Variants in DHX8 observed in about 807,000 individuals in gnomAD.
The protein encoded by DHX8 is ATP-dependent RNA helicase DHX8.
DHX8 carries 67 observed loss-of-function variants against 140.7 expected under a neutral mutation model. The ratio of observed to expected loss-of-function variants is 0.48; its 90% CI spans 0.39 to 0.58. The LOEUF is 0.58. Ranked by LOEUF, DHX8 falls within the 20% of genes least tolerant of loss-of-function variation. The pLI is 0.00. For missense variants in DHX8, 887 were observed against 1,550.7 expected, an observed-to-expected ratio of 0.57 and a Z score of 7.19; for synonymous variants, 533 against 553.2, an observed-to-expected ratio of 0.96 and a Z score of 0.51.
At chr17:43,503,412 A>T (rs546090374) in intron 11 of DHX8, among the ~76,000 whole-genome samples, 30 of 151,846 alleles carry the variant, frequency 2.0e-4, no homozygotes, top group African/African-American at 6.5e-4. Context: ...CAAGAGAATC[A>T]CTTGAACCTG....
chr17:43,517,440 C>A, intron 18 of DHX8, 118 bp downstream of exon 18: 2 of 1,214,246 alleles, frequency 1.6e-6, no homozygotes, highest in East Asian at 2.6e-5. Context: ...GAAAGCAGTC[C>A]CTTTGAGTGA....
At chr17:43,501,129 C>T (rs8079750) in intron 11 of DHX8, among the ~76,000 whole-genome samples, 43,178 of 151,954 alleles carry the variant, frequency 0.28, 6,359 homozygotes, top group African/African-American at 0.36. Flanking sequence ...ATTAAATAAT[C>T]ACCAAATAAT....
chr17:43,536,059 C>T (rs543048133), intron 2 of DHX8, among the ~76,000 whole-genome samples: 1 of 152,130 alleles, frequency 6.6e-6, no homozygotes, highest in African/African-American at 2.4e-5. Flanking sequence ...TGCAGTGAGC[C>T]GAGATTGTGC....
chr17:43,493,212 T>C (rs1968641236), intron 6 of DHX8, among the ~76,000 whole-genome samples, 172 bp downstream of exon 6: 1 of 152,230 alleles, frequency 6.6e-6, no homozygotes, highest in Admixed American at 6.5e-5. Context: ...TTTATTCCTT[T>C]CTCTGTCTTC....
chr17:43,527,590 G>C (rs968215581), downstream of DHX8, among the ~76,000 whole-genome samples: 2 of 152,280 alleles, frequency 1.3e-5, no homozygotes, highest in African/African-American at 4.8e-5. Flanking sequence ...AGGGGCGCCT[G>C]TCCAGGTTAT....
rs138989101 is a variant in DHX8 at position 43,543,276 on chromosome 17, A to ACTCTCCCTCTCTCTCTCTCTCT, written c.*21-881_*21-880insCCTCTCTCTCTCTCTCTCTCTC. Among the ~76,000 whole-genome samples the ACTCTCCCTCTCTCTCTCTCTCT allele has an allele frequency of 6.1e-4, 85 of 138,254 alleles. No individual in the cohort carries two copies. In the South Asian group the frequency reaches 8.3e-3, roughly 14 times the overall value. The allele number at this position is 138,254 out of a possible 152,430, so 90.7% of individuals were successfully genotyped here. ...AGCAGCATGTAACTAACACACACAC[A>ACTCTCCCTCTCTCTCTCTCTCT]CTCTCTCTCTCTCTCTCTCTCACAC... is the stretch of plus-strand genomic sequence containing the variant. On this transcript the variant is annotated intron_variant, in intron 3 of 3. Transcript: ENST00000589898.
downstream of DHX8, chr17:43,529,415 A>T (rs1970767240): frequency 6.7e-6 from 10 of 1,490,006 alleles, no homozygotes; most frequent in Admixed American, 1.9e-4. Flanking sequence ...AAGAATCATG[A>T]TGGAGGCACG....
intron 13 of DHX8, 23 bp downstream of exon 13, chr17:43,507,220 C>A: frequency 6.4e-7 from 1 of 1,573,900 alleles, no homozygotes; most frequent in Non-Finnish European, 8.6e-7. Flanking sequence ...TGGAGTCGCT[C>A]GAAAAATACC....
chr17:43,492,407 C>T (rs1384711360), intron 5 of DHX8, 115 bp downstream of exon 5: 6 of 734,992 alleles, frequency 8.2e-6, no homozygotes, highest in Non-Finnish European at 1.4e-5. Flanking sequence ...GGTCATATAT[C>T]ATATTGTTGG....
At chr17:43,528,551 G>A, downstream of DHX8, 1 of 1,612,708 alleles carries the variant, frequency 6.2e-7, no homozygotes, top group Non-Finnish European at 8.5e-7. Context: ...GGGCCAAATG[G>A]CTGGGCGGGG....
chr17:43,514,868 C>G (rs1442586018), intron 17 of DHX8, among the ~76,000 whole-genome samples: 2 of 152,248 alleles, frequency 1.3e-5, no homozygotes, highest in Middle Eastern at 3.4e-3. Flanking sequence ...ATGACATAAA[C>G]ATGTAACTAT....
At chr17:43,497,012 C>T (rs535902429) in intron 9 of DHX8, among the ~76,000 whole-genome samples, 1 of 152,212 alleles carries the variant, frequency 6.6e-6, no homozygotes, top group African/African-American at 2.4e-5. Flanking sequence ...GTACTCACCA[C>T]CCAGCTTAAG....
At chr17:43,490,592 G>T (rs1012050191) in intron 3 of DHX8, 129 bp downstream of exon 3, 1 of 760,048 alleles carries the variant, frequency 1.3e-6, no homozygotes. Flanking sequence ...TTTCAAATGG[G>T]CTGGGCCTAG....
intron 2 of DHX8, among the ~76,000 whole-genome samples, chr17:43,532,102 G>A (rs28608935): frequency 0.23 from 34,365 of 152,116 alleles, 4,131 homozygotes; most frequent in East Asian, 0.32. Context: ...GGGCTCAAAC[G>A]ATCCTCCTGC....
At chr17:43,541,212 A>G (rs1266854564) in intron 3 of DHX8, among the ~76,000 whole-genome samples, 1 of 152,182 alleles carries the variant, frequency 6.6e-6, no homozygotes, top group African/African-American at 2.4e-5. Flanking sequence ...GGGGTAGGCC[A>G]GGGCCCTCAG....
At chr17:43,496,423 CA>C (rs1567679989) in intron 9 of DHX8, among the ~76,000 whole-genome samples, 155 bp downstream of exon 9, 1 of 152,038 alleles carries the variant, frequency 6.6e-6, no homozygotes, top group Admixed American at 6.6e-5. Flanking sequence ...ATGATGGAAG[CA>C]AGAAGTTCAT....
chr17:43,525,091 G>C lies in DHX8; in HGVS notation c.*1244G>C, dbSNP rs553184316. 42 of 985,406 alleles carry C rather than the reference G, an allele frequency of 4.3e-5. No homozygotes were observed. In the Admixed American group the frequency reaches 1.4e-3, roughly 33 times the overall value. 61.0% of individuals were successfully genotyped at this position (985,406 alleles called of 1,614,324 possible). A position where few individuals can be genotyped will look rare whatever the true frequency, so the allele number is the denominator to read the frequency against. On this transcript the variant is annotated 3_prime_UTR_variant, in exon 23 of 23. Coordinates refer to ENST00000262415, the MANE Select transcript of DHX8 (RefSeq NM_004941.3). ...TTACAGTTGAGAGCCACTGTCCTCTGCACTGAGGAGGCTCCTTACCTGGCG... is the reference window on the plus strand; with the variant it reads ...TTACAGTTGAGAGCCACTGTCCTCTCCACTGAGGAGGCTCCTTACCTGGCG...
chr17:43,528,645 C>T, downstream of DHX8: 1 of 1,614,198 alleles, frequency 6.2e-7, no homozygotes, highest in African/African-American at 1.3e-5. Flanking sequence ...GCCGGTCAAA[C>T]TCAGCCTTGA....
Position 43,496,166 on chromosome 17 carries a change from CTCT to C in DHX8, c.1213-10_1213-8del. 1 of 1,606,044 alleles carries C rather than the reference CTCT, an allele frequency of 6.2e-7. No homozygotes were observed. The highest frequency in any genetic ancestry group is 8.5e-7 in the Non-Finnish European group (1 of 1,175,062). Reference sequence around the variant, plus strand: ...CTTAGCAGGTTACAAATGCTGCCTTCTCTTCTTTGGCTAGATGATTGCTGCCAA... The same window carrying C: ...CTTAGCAGGTTACAAATGCTGCCTTCTCTTTGGCTAGATGATTGCTGCCAA... On this transcript the variant is annotated splice_polypyrimidine_tract_variant and intron_variant, in intron 8 of 22. Transcript: ENST00000262415.
Sources: gnomAD v4.1 joint callset for allele counts (sites outside exome capture counted in the v4.1 genomes callset) on GRCh38, gnomAD v4.1.1 for gene constraint, MANE v1.5 for transcripts, NCBI Gene and HGNC (gene_info 2026-07-23, HGNC 2026-07-21) for gene names.